Variants in RYK observed in about 807,000 individuals in gnomAD.
RYK encodes receptor like tyrosine kinase.
In RYK, 21 loss-of-function variants were observed where a neutral mutation model predicts 70.2. The ratio of observed to expected loss-of-function variants is 0.30; its 90% CI spans 0.21 to 0.43. The LOEUF (loss-of-function observed/expected upper bound fraction) is 0.43, where lower values mean the gene tolerates loss of function less well. Ranked by LOEUF, RYK falls within the 20% of genes least tolerant of loss-of-function variation. The pLI, the probability that RYK is intolerant of heterozygous loss-of-function variation, is 1.00. For synonymous variants in RYK, 267 were observed against 278.0 expected (o/e 0.96, Z 0.39); for missense variants, 604 against 753.3 (o/e 0.80, Z 2.32).
intron 1 of RYK, among the ~76,000 whole-genome samples, chr3:134,228,811 T>A (rs1330932713): frequency 2.0e-5 from 3 of 152,102 alleles, no homozygotes; most frequent in African/African-American, 7.2e-5. Context: ...AGTCACTAGT[T>A]AACAGTAAAA....
rs1184426223 is a variant in RYK, at chr3:134,188,882, T to C, written c.1057A>G (p.Lys353Glu). The change falls in exon 9 of 15, where the codon AAA (lysine) becomes GAA (glutamate). Residue 353 changes from lysine to glutamate, a missense_variant. Lys to Glu is a moderately conservative substitution (Grantham distance 56). Transcript: ENST00000623711. ...GCTTGTTTTTCTTTATTTGGATCTT[T>C]TTCATCTATTAAAATCCCATGGAAA... is the stretch of plus-strand genomic sequence containing the variant. Reference protein sequence around the residue: ...RIFHGILIDEKDPNKEKQAFV... With the variant: ...RIFHGILIDEEDPNKEKQAFV... 4.4e-6 allele frequency: 7 copies of C among 1,582,664 alleles called. No individual in the cohort carries two copies. In the South Asian group the frequency reaches 8.0e-5, roughly 18 times the overall value.
At chr3:134,179,636 T>A (rs1266732657) in intron 10 of RYK, 1 of 152,198 alleles carries the variant, frequency 6.6e-6, no homozygotes, top group African/African-American at 2.4e-5. Context: ...CCACTAGACT[T>A]TCTCTCCAGA....
chr3:134,221,021 AAAAG>A (rs1024355521), intron 2 of RYK, among the ~76,000 whole-genome samples: 87 of 152,264 alleles, frequency 5.7e-4, no homozygotes, highest in African/African-American at 2.0e-3. Context: ...GAGTGAGAGA[AAAAG>A]AAAGATGCCT....
intron 1 of RYK, among the ~76,000 whole-genome samples, chr3:134,241,941 C>T (rs1450065618): frequency 3.3e-5 from 5 of 152,172 alleles, no homozygotes; most frequent in Non-Finnish European, 7.3e-5. Flanking sequence ...CCTCCTCCTC[C>T]CTAAATTACA....
rs1294570269 is a variant in RYK at position 134,202,442 on chromosome 3, G to A, written c.788+288C>T. On this transcript the variant is annotated intron_variant, in intron 6 of 14. Coordinates refer to ENST00000623711, the MANE Select transcript of RYK (RefSeq NM_002958.4). ...GGAAGAAACAGGGCTATTTTGAAAA[G>A]GCAATGGTCTGAGGTAGAGTCATGT... 5 of 293,840 alleles carry A rather than the reference G, an allele frequency of 1.7e-5. No individual in the cohort carries two copies. In the East Asian group the frequency reaches 4.6e-4, roughly 27 times the overall value. The allele number at this position is 293,840 out of a possible 1,614,324, so 18.2% of individuals were successfully genotyped here.
intron 13 of RYK, among the ~76,000 whole-genome samples, chr3:134,172,502 A>G (rs2108148489): frequency 6.6e-6 from 1 of 152,362 alleles, no homozygotes; most frequent in Middle Eastern, 3.4e-3. Flanking sequence ...TCTAAAACCA[A>G]AAACATTATC....
chr3:134,214,523 C>T (rs554252240), intron 2 of RYK, among the ~76,000 whole-genome samples: 3 of 152,310 alleles, frequency 2.0e-5, no homozygotes, highest in African/African-American at 7.2e-5. Context: ...GTCATATTGG[C>T]ACCTTCAGCT....
At chr3:134,179,278 T>C (rs995052370) in intron 10 of RYK, 1 of 152,202 alleles carries the variant, frequency 6.6e-6, no homozygotes, top group African/African-American at 2.4e-5. Context: ...CTAAAAATTG[T>C]CTTAATTGAG....
intron 13 of RYK, among the ~76,000 whole-genome samples, chr3:134,168,099 A>G (rs1175780071): frequency 6.6e-6 from 1 of 152,222 alleles, no homozygotes; most frequent in African/African-American, 2.4e-5. Context: ...TAGAATGGCA[A>G]TCATTAAAAA....
intron 7 of RYK, among the ~76,000 whole-genome samples, chr3:134,194,177 C>T (rs2013738817): frequency 6.6e-6 from 1 of 152,322 alleles, no homozygotes; most frequent in East Asian, 1.9e-4. Context: ...AATTTTCTCT[C>T]ATCCACCAGC....
chr3:134,201,215 T>C (rs973303598), intron 6 of RYK, among the ~76,000 whole-genome samples: 3 of 152,246 alleles, frequency 2.0e-5, no homozygotes, highest in African/African-American at 7.2e-5. Flanking sequence ...AAACATATTC[T>C]GAAACAAATC....
chr3:134,188,657 G>T (rs1035289706), intron 9 of RYK, among the ~76,000 whole-genome samples, 180 bp downstream of exon 9: 1 of 152,066 alleles, frequency 6.6e-6, no homozygotes, highest in Non-Finnish European at 1.5e-5. Flanking sequence ...TACTTAATGA[G>T]AACAACCCAA....
rs138799129 is a variant in RYK at position 134,163,057 on chromosome 3, G to T, written c.1576-3684C>A. 5.9e-5 allele frequency among the ~76,000 whole-genome samples: 9 copies of T among 152,276 alleles called. No homozygotes were observed. In the East Asian group the frequency reaches 1.5e-3, roughly 26 times the overall value. On this transcript the variant is annotated intron_variant, in intron 13 of 14. Coordinates refer to ENST00000623711, the MANE Select transcript of RYK (RefSeq NM_002958.4). ...AGTATTACAGCAGCAATGTAGATAA[G>T]CTTTTAAAAATTACTCCCTTCCCAC...
At chr3:134,209,561 C>T (rs1576522298) in intron 4 of RYK, 134 bp downstream of exon 4, 2 of 609,212 alleles carry the variant, frequency 3.3e-6, no homozygotes, top group South Asian at 6.4e-5. Flanking sequence ...CAAAACTTCA[C>T]CTGCCAGTGC....
At chr3:134,234,559 C>A (rs2015151997) in intron 1 of RYK, among the ~76,000 whole-genome samples, 1 of 152,062 alleles carries the variant, frequency 6.6e-6, no homozygotes, top group South Asian at 2.1e-4. Flanking sequence ...CTGAAGATGA[C>A]AGGGAATGGA....
chr3:134,165,733 T>A (rs1191096340), intron 13 of RYK, among the ~76,000 whole-genome samples: 1 of 152,208 alleles, frequency 6.6e-6, no homozygotes, highest in Non-Finnish European at 1.5e-5. Context: ...TAAGGTTTAA[T>A]ATTGTTTGTT....
intron 13 of RYK, among the ~76,000 whole-genome samples, chr3:134,167,477 CA>C (rs1559999712): frequency 6.6e-6 from 1 of 151,984 alleles, no homozygotes; most frequent in African/African-American, 2.4e-5. Flanking sequence ...ACAAACCTGA[CA>C]AAAACAAGAA....
At chr3:134,162,061 A>T (rs2012491703) in intron 13 of RYK, among the ~76,000 whole-genome samples, 1 of 152,120 alleles carries the variant, frequency 6.6e-6, no homozygotes, top group South Asian at 2.1e-4. Context: ...GCAGCCCTGC[A>T]GTCCCTGCCT....
intron 13 of RYK, 136 bp downstream of exon 13, chr3:134,175,473 C>T: frequency 1.0e-6 from 1 of 974,886 alleles, no homozygotes; most frequent in East Asian, 2.5e-5. Context: ...CAGCTAATTA[C>T]ACTTGCTTTC....
Sources: allele counts gnomAD v4.1 joint callset (sites outside exome capture counted in the v4.1 genomes callset), GRCh38; gene constraint gnomAD v4.1.1; transcripts MANE v1.5; gene names NCBI Gene and HGNC (gene_info 2026-07-23, HGNC 2026-07-21).